Variants in TFCP2L1 observed in about 807,000 individuals in gnomAD.
TFCP2L1 encodes the protein transcription factor CP2-like protein 1.
A neutral mutation model predicts 72.2 loss-of-function variants in TFCP2L1; 12 were observed. The ratio of observed to expected loss-of-function variants is 0.17; its 90% confidence interval spans 0.11 to 0.27. TFCP2L1 has a LOEUF of 0.27. Among genes scored for constraint, TFCP2L1 ranks in the 10% least tolerant of loss-of-function variants. The pLI is 1.00. For synonymous variants in TFCP2L1, 260 were observed against 251.0 expected, an observed-to-expected ratio of 1.04 and a Z score of -0.34; for missense variants, 488 against 624.6, an observed-to-expected ratio of 0.78 and a Z score of 2.33.
chr2:121,226,302 C>A (rs1686031868), intron 13 of TFCP2L1, among the ~76,000 whole-genome samples: 1 of 150,894 alleles, frequency 6.6e-6, no homozygotes, highest in South Asian at 2.1e-4. Context: ...ATAACCCCAA[C>A]CATCTAGTAT....
intron 8 of TFCP2L1, 125 bp from the exon 9 acceptor site, chr2:121,237,975 T>C (rs544255533): frequency 4.0e-6 from 4 of 997,040 alleles, no homozygotes; most frequent in East Asian, 5.2e-5. Flanking sequence ...GTGAAATGAG[T>C]CCTCAAGAAT....
rs779431153 is a variant in TFCP2L1 at position 121,239,542 on chromosome 2, G to GA, written c.860+15dup. 8 of 1,613,730 alleles carry GA rather than the reference G, an allele frequency of 5.0e-6. No homozygotes were observed. The highest frequency in any genetic ancestry group is 6.8e-6 in the Non-Finnish European group (8 of 1,179,750). On this transcript the variant is annotated intron_variant, in intron 8 of 14. Transcript: ENST00000263707. ...CTTCATTTCAGGGAACCCGAAGAAA[G>GA]AGAGGTGGGACGTACCCTTCGCCGA...
chr2:121,255,283 G>C (rs140879579), intron 2 of TFCP2L1, among the ~76,000 whole-genome samples: 1 of 152,162 alleles, frequency 6.6e-6, no homozygotes, highest in South Asian at 2.1e-4. Flanking sequence ...TGTTTCCTAC[G>C]TTCTTAACAA....
At chr2:121,266,381 T>C (rs1365921749) in intron 2 of TFCP2L1, among the ~76,000 whole-genome samples, 1 of 152,130 alleles carries the variant, frequency 6.6e-6, no homozygotes, top group Non-Finnish European at 1.5e-5. Flanking sequence ...CCCGTTAATG[T>C]GATTTTTCCA....
At chr2:121,247,620 G>A (rs968360539) in intron 5 of TFCP2L1, among the ~76,000 whole-genome samples, 1 of 151,858 alleles carries the variant, frequency 6.6e-6, no homozygotes, top group Non-Finnish European at 1.5e-5. Flanking sequence ...AGTGCTAATG[G>A]CTCTGTATTC....
rs1685874384 is a variant in TFCP2L1, at chr2:121,218,548, T to G, written c.*5793A>C. The G allele has an allele frequency of 6.6e-6, 1 of 152,322 alleles. No homozygotes were observed. Among genetic ancestry groups the G allele is most frequent in the Non-Finnish European group, 1.5e-5 (1 of 68,122 alleles). 9.4% of individuals were successfully genotyped at this position (152,322 alleles called of 1,614,324 possible). On this transcript the variant is annotated 3_prime_UTR_variant, in exon 15 of 15. Transcript: ENST00000263707. ...TCAGGGCTCCTCAGGACGAAGGGCATGAGGACAGGTTCCCACTCTGGCCCT... is the reference window on the plus strand; with the variant it reads ...TCAGGGCTCCTCAGGACGAAGGGCAGGAGGACAGGTTCCCACTCTGGCCCT...
At chr2:121,239,702 C>A in intron 7 of TFCP2L1, 53 bp from the exon 8 acceptor site, 2 of 1,538,574 alleles carry the variant, frequency 1.3e-6, no homozygotes, top group Admixed American at 1.8e-5. Flanking sequence ...CTGAGCCGTG[C>A]TCCCCAGGTC....
At chr2:121,246,403 A>G (rs1686482405) in intron 6 of TFCP2L1, among the ~76,000 whole-genome samples, 1 of 152,252 alleles carries the variant, frequency 6.6e-6, no homozygotes, top group Admixed American at 6.5e-5. Context: ...ATCCGAGGCC[A>G]GGCCTCCAGC....
intron 6 of TFCP2L1, among the ~76,000 whole-genome samples, chr2:121,244,161 T>C (rs1294665779): frequency 6.6e-6 from 1 of 151,948 alleles, no homozygotes; most frequent in African/African-American, 2.4e-5. Flanking sequence ...ACAAGCAAGG[T>C]GGGGTTACAG....
rs1309066743 is a variant in TFCP2L1 at position 121,242,090 on chromosome 2, A to G, written c.768+269T>C. ...GTGAATACATTACCTACTCAAAAAA[A>G]AAAAAAAAAAAAAAAAAAGGGAACC... On this transcript the variant is annotated intron_variant, in intron 7 of 14. Transcript: ENST00000263707. 8.3e-5 allele frequency among the ~76,000 whole-genome samples: 12 copies of G among 144,924 alleles called. No homozygotes were observed. In the South Asian group the frequency reaches 2.5e-3, roughly 30 times the overall value.
chr2:121,255,246 G>GT lies in TFCP2L1; in HGVS notation c.215-5600dup, dbSNP rs1057251787. On this transcript the variant is annotated intron_variant, in intron 2 of 14. Transcript: ENST00000263707. ...TAAAGTGTGCCGAATGTTGTACAGCGTAACTCCCCAAGTTAAGGCTTCTGT... is the reference window on the plus strand; with the variant it reads ...TAAAGTGTGCCGAATGTTGTACAGCGTTAACTCCCCAAGTTAAGGCTTCTGT... 8.5e-5 allele frequency among the ~76,000 whole-genome samples: 13 copies of GT among 152,162 alleles called. 1 individual carries two copies. The highest frequency in any genetic ancestry group is 7.2e-4 in the Admixed American group (11 of 15,270).
intron 6 of TFCP2L1, among the ~76,000 whole-genome samples, chr2:121,244,196 C>A (rs1167237325): frequency 6.6e-6 from 1 of 152,224 alleles, no homozygotes; most frequent in African/African-American, 2.4e-5. Flanking sequence ...AGCCTGCATG[C>A]AGGGCACGCA....
intron 2 of TFCP2L1, among the ~76,000 whole-genome samples, chr2:121,269,246 C>T (rs1035365794): frequency 1.3e-5 from 2 of 151,872 alleles, no homozygotes; most frequent in Admixed American, 6.6e-5. Context: ...TCCAAGAGTT[C>T]GAGACCAGCC....
intron 2 of TFCP2L1, among the ~76,000 whole-genome samples, chr2:121,274,928 G>A (rs1483860486): frequency 6.7e-6 from 1 of 149,422 alleles, no homozygotes; most frequent in Admixed American, 6.7e-5. Flanking sequence ...GAAAGAGCAA[G>A]AAGACCCTGT....
intron 6 of TFCP2L1, among the ~76,000 whole-genome samples, chr2:121,246,591 T>A (rs745453464): frequency 1.3e-5 from 2 of 152,234 alleles, no homozygotes; most frequent in African/African-American, 2.4e-5. Flanking sequence ...TGCCAGAAGC[T>A]GAGCGGGTGC....
chr2:121,224,425 AAAGGTGC>A, intron 14 of TFCP2L1, 38 bp from the exon 15 acceptor site: 2 of 1,609,842 alleles, frequency 1.2e-6, no homozygotes, highest in Non-Finnish European at 1.7e-6. Context: ...TCACAGGAAA[AAAGGTGC>A]AGTGCCACAG....
At chr2:121,271,118 A>C (rs1000297179) in intron 2 of TFCP2L1, among the ~76,000 whole-genome samples, 9 of 151,662 alleles carry the variant, frequency 5.9e-5, no homozygotes, top group Non-Finnish European at 1.2e-4. Context: ...TGAACCTGGG[A>C]GGAAAAGATT....
chr2:121,254,576 T>C (rs982139441), intron 2 of TFCP2L1, among the ~76,000 whole-genome samples: 1 of 152,102 alleles, frequency 6.6e-6, no homozygotes, highest in Non-Finnish European at 1.5e-5. Context: ...GGCAGATGGA[T>C]TGCCTGAGGT....
chr2:121,273,984 C>T (rs537175555), intron 2 of TFCP2L1, among the ~76,000 whole-genome samples: 1 of 151,518 alleles, frequency 6.6e-6, no homozygotes, highest in East Asian at 1.9e-4. Flanking sequence ...ACCCCAGCTA[C>T]TCGGGAGGCT....
Sources: allele counts gnomAD v4.1 joint callset (sites outside exome capture counted in the v4.1 genomes callset), GRCh38; gene constraint gnomAD v4.1.1; transcripts MANE v1.5; gene names NCBI Gene and HGNC (gene_info 2026-07-23, HGNC 2026-07-21).